The following ZFHX3 variants were observed in gnomAD, a reference collection of about 807,000 sequenced individuals.
The protein encoded by ZFHX3 is zinc finger homeobox 3.
In ZFHX3, 42 loss-of-function variants were observed where a neutral mutation model predicts 279.1. That is an observed-to-expected ratio of 0.15 (90% CI 0.12 to 0.19). The LOEUF is 0.19. Among genes scored for constraint, ZFHX3 ranks in the 10% least tolerant of loss-of-function variants. The pLI is 1.00. For synonymous variants in ZFHX3, 2,293 were observed against 1,957.8 expected (o/e 1.17, Z -4.52); for missense variants, 4,981 against 4,754.0 (o/e 1.05, Z -1.40).
chr16:73,729,814 A>G (rs1373660219), intron 1 of ZFHX3, among the ~76,000 whole-genome samples: 1 of 152,180 alleles, frequency 6.6e-6, no homozygotes, highest in Admixed American at 6.5e-5. Context: ...ATGAGGCTCT[A>G]TGGGGTCCCT....
intron 1 of ZFHX3, among the ~76,000 whole-genome samples, chr16:73,851,155 C>T (rs1290354449): frequency 6.6e-6 from 1 of 152,084 alleles, no homozygotes; most frequent in African/African-American, 2.4e-5. Flanking sequence ...AGAGCTCGAA[C>T]ATAAAGTACA....
At chr16:73,353,010 C>G (rs774558172) in intron 3 of ZFHX3, among the ~76,000 whole-genome samples, 4 of 152,022 alleles carry the variant, frequency 2.6e-5, no homozygotes, top group South Asian at 2.1e-4. Context: ...GAGCAGGACA[C>G]GAAGAGATGT....
At chr16:73,175,864 C>T (rs975804984) in intron 5 of ZFHX3, among the ~76,000 whole-genome samples, 3 of 152,192 alleles carry the variant, frequency 2.0e-5, no homozygotes, top group African/African-American at 7.2e-5. Context: ...CTTCAAAGCA[C>T]TTTTTCCAAC....
chr16:72,887,699 A>C (rs1266887264), intron 4 of ZFHX3, among the ~76,000 whole-genome samples: 4 of 107,050 alleles, frequency 3.7e-5, no homozygotes, highest in African/African-American at 1.5e-4. Flanking sequence ...GGTGCAGTGT[A>C]TGTGGGGGAG....
intron 1 of ZFHX3, among the ~76,000 whole-genome samples, chr16:73,703,727 G>A (rs552844074): frequency 6.6e-6 from 1 of 152,156 alleles, no homozygotes; most frequent in African/African-American, 2.4e-5. Context: ...CTGAACAGAA[G>A]TACATTAAGG....
intron 2 of ZFHX3, among the ~76,000 whole-genome samples, chr16:73,569,062 A>C (rs2020493004): frequency 2.0e-5 from 3 of 152,132 alleles, no homozygotes; most frequent in Admixed American, 2.0e-4. Flanking sequence ...TGTGTGCCCT[A>C]ATGTGGAAGG....
intron 1 of ZFHX3, among the ~76,000 whole-genome samples, chr16:72,981,714 A>G (rs1962607284): frequency 6.6e-6 from 1 of 151,930 alleles, no homozygotes; most frequent in Non-Finnish European, 1.5e-5. Context: ...CTCCAACTTC[A>G]ATACGCATCA....
At chr16:73,589,122 T>C (rs547058390) in intron 2 of ZFHX3, among the ~76,000 whole-genome samples, 13 of 151,050 alleles carry the variant, frequency 8.6e-5, no homozygotes, top group African/African-American at 3.2e-4. Flanking sequence ...TACCTGGGTG[T>C]GGTGATGCAC....
intron 3 of ZFHX3, among the ~76,000 whole-genome samples, chr16:72,935,051 T>C (rs145436904): frequency 1.2e-4 from 18 of 152,364 alleles, no homozygotes; most frequent in African/African-American, 4.1e-4. Context: ...ATTTCTGTTT[T>C]AGTCAAATAT....
chr16:72,954,299 G>A (rs1197988303), intron 2 of ZFHX3, among the ~76,000 whole-genome samples: 2 of 152,202 alleles, frequency 1.3e-5, no homozygotes, highest in Admixed American at 6.5e-5. Context: ...GAACCCGGGA[G>A]GCAGGGGCTG....
At chr16:73,805,775 T>A (rs1293662035) in intron 1 of ZFHX3, among the ~76,000 whole-genome samples, 2 of 152,190 alleles carry the variant, frequency 1.3e-5, no homozygotes, top group Non-Finnish European at 2.9e-5. Context: ...TATAATATAA[T>A]GCTGGGTGGC....
intron 2 of ZFHX3, among the ~76,000 whole-genome samples, chr16:73,541,816 T>C (rs866483799): frequency 0.013 from 1,674 of 132,526 alleles, 15 homozygotes; most frequent in Middle Eastern, 0.028. Context: ...TTTTTTTTTT[T>C]CCCTGAGATG....
chr16:73,341,525 AT>A (rs1372825926), intron 3 of ZFHX3, among the ~76,000 whole-genome samples: 2 of 152,222 alleles, frequency 1.3e-5, no homozygotes, highest in Non-Finnish European at 2.9e-5. Flanking sequence ...TCCTCAAACG[AT>A]TACTCACAGA....
At chr16:73,750,474 G>A (rs1421862568) in intron 1 of ZFHX3, among the ~76,000 whole-genome samples, 1 of 152,164 alleles carries the variant, frequency 6.6e-6, no homozygotes, top group Non-Finnish European at 1.5e-5. Context: ...ACAATACCAC[G>A]CTATGTGTGG....
intron 4 of ZFHX3, among the ~76,000 whole-genome samples, chr16:73,307,103 C>G (rs1161399533): frequency 6.6e-6 from 1 of 152,190 alleles, no homozygotes; most frequent in Non-Finnish European, 1.5e-5. Context: ...TTAAGATGAT[C>G]TTTGGAGTAA....
chr16:73,456,620 T>C (rs958571254), intron 2 of ZFHX3, among the ~76,000 whole-genome samples: 11 of 152,212 alleles, frequency 7.2e-5, no homozygotes, highest in African/African-American at 2.4e-4. Context: ...CTACTCAGAA[T>C]CACAAGCTTC....
intron 3 of ZFHX3, among the ~76,000 whole-genome samples, chr16:73,320,336 G>C (rs150508433): frequency 6.8e-4 from 104 of 152,292 alleles, no homozygotes; most frequent in African/African-American, 2.4e-3. Context: ...CTCAACCCAT[G>C]AGCTGTGGCT....
At chr16:72,894,094 A>G (rs2038836821) in intron 3 of ZFHX3, among the ~76,000 whole-genome samples, 3 of 151,390 alleles carry the variant, frequency 2.0e-5, no homozygotes, top group African/African-American at 7.3e-5. Flanking sequence ...GGTTGCAGTG[A>G]GCCACAATAG....
At chr16:73,016,820 C>T (rs1271561322) in intron 1 of ZFHX3, among the ~76,000 whole-genome samples, 1 of 152,036 alleles carries the variant, frequency 6.6e-6, no homozygotes, top group Non-Finnish European at 1.5e-5. Context: ...TGGCTCCGAG[C>T]AGAATCTCCC....
Sources: allele counts gnomAD v4.1 joint callset (sites outside exome capture counted in the v4.1 genomes callset), GRCh38; gene constraint gnomAD v4.1.1; transcripts MANE v1.5; gene names NCBI Gene and HGNC (gene_info 2026-07-23, HGNC 2026-07-21).